Variants in HEMK1 observed in about 807,000 individuals in gnomAD.
The protein encoded by HEMK1 is HemK methyltransferase 1, mitochondrial release factors N(5)-glutamine.
Under a neutral mutation model 47.9 loss-of-function variants are expected in HEMK1, and 36 were observed. That is an observed-to-expected ratio of 0.75 (90% confidence interval 0.58 to 0.99). The LOEUF (loss-of-function observed/expected upper bound fraction) is 0.99, where lower values mean the gene tolerates loss of function less well. Among genes scored for constraint, HEMK1 ranks in the 50% least tolerant of loss-of-function variants. The pLI, the probability that HEMK1 is intolerant of heterozygous loss-of-function variation, is 0.00. For synonymous variants in HEMK1, 153 were observed against 165.4 expected, an observed-to-expected ratio of 0.93 and a Z score of 0.57; for missense variants, 383 against 434.5, an observed-to-expected ratio of 0.88 and a Z score of 1.05.
rs1438924541 is a variant in HEMK1 at position 50,580,443 on chromosome 3, C to A, written c.*26C>A. The A allele has an allele frequency of 2.5e-6, 4 of 1,613,392 alleles. No homozygotes were observed. Among genetic ancestry groups the A allele is most frequent in the African/African-American group, 1.3e-5 (1 of 74,906 alleles). On this transcript the variant is annotated 3_prime_UTR_variant, in exon 11 of 11. Coordinates refer to ENST00000232854, the MANE Select transcript of HEMK1 (RefSeq NM_016173.5). ...CATGGCTGCCCTGTGGATGCCTTGT[C>A]AGTGCCGCCAGCCTGACCAGAGGGG...
rs1021905500 is a variant in HEMK1 at position 50,582,205 on chromosome 3, G to T, written c.*1788G>T. 1 of 152,186 alleles carries T rather than the reference G, an allele frequency of 6.6e-6. No individual in the cohort carries two copies. The highest frequency in any genetic ancestry group is 2.4e-5 in the African/African-American group (1 of 41,434). The allele number at this position is 152,186 out of a possible 1,614,324, so 9.4% of individuals were successfully genotyped here. A position where few individuals can be genotyped will look rare whatever the true frequency, so the allele number is the denominator to read the frequency against. On this transcript the variant is annotated 3_prime_UTR_variant, in exon 11 of 11. Transcript: ENST00000232854. The stretch of plus-strand genomic sequence containing the variant: ...CCCATTCCTGAGGAAGGGCCTTGGC[G>T]AGCTTGTGGATGTTGCACCAGAAGA...
In HEMK1 at chr3:50,594,118, C is replaced by T. The variant is rs971186930; in HGVS notation, c.*13701C>T. The T allele has an allele frequency of 3.3e-5, 5 of 152,278 alleles. No individual in the cohort carries two copies. Among genetic ancestry groups the T allele is most frequent in the South Asian group, 4.1e-4 (2 of 4,832 alleles). The allele number at this position is 152,278 out of a possible 1,614,324, so 9.4% of individuals were successfully genotyped here. A position where few individuals can be genotyped will look rare whatever the true frequency, so the allele number is the denominator to read the frequency against. ...TCAATACAATATTGAAAAACTGTAA[C>T]GACTAGAGCATTTGTATATTGTTTC... On this transcript the variant is annotated 3_prime_UTR_variant, in exon 11 of 11. Coordinates refer to ENST00000232854, the MANE Select transcript of HEMK1 (RefSeq NM_016173.5).
intron 4 of HEMK1, among the ~76,000 whole-genome samples, chr3:50,576,311 C>T (rs1020070410): frequency 6.6e-6 from 1 of 152,224 alleles, no homozygotes; most frequent in Non-Finnish European, 1.5e-5. Context: ...CCTCATGGGA[C>T]ACTTGTGAGG....
At chr3:50,575,741 G>C (rs1701521876) in intron 4 of HEMK1, among the ~76,000 whole-genome samples, 1 of 152,210 alleles carries the variant, frequency 6.6e-6, no homozygotes, top group Non-Finnish European at 1.5e-5. Context: ...GGTCCCAGGA[G>C]TCCTGACCCT....
Position 50,571,039 on chromosome 3 carries a change from C to CA in HEMK1, c.-65dup, listed in dbSNP as rs2107369317. 1 of 1,291,920 alleles carries CA rather than the reference C, an allele frequency of 7.7e-7. No individual in the cohort carries two copies. Among genetic ancestry groups the CA allele is most frequent in the Non-Finnish European group, 1.1e-6 (1 of 928,312 alleles). The allele number at this position is 1,291,920 out of a possible 1,614,324, so 80.0% of individuals were successfully genotyped here. On this transcript the variant is annotated 5_prime_UTR_variant, in exon 2 of 11. Transcript: ENST00000232854. Reference sequence around the variant, plus strand: ...CAGGGGCCACTCTCAGCACTCACCTCAGCAGCTGACATCATAAAGCAGACT... The same window carrying CA: ...CAGGGGCCACTCTCAGCACTCACCTCAAGCAGCTGACATCATAAAGCAGACT...
intron 4 of HEMK1, among the ~76,000 whole-genome samples, chr3:50,573,675 A>G (rs142465701): frequency 1.1e-3 from 168 of 152,346 alleles, no homozygotes; most frequent in African/African-American, 3.7e-3. Context: ...GTTCACCCCA[A>G]TGTAAAGCCA....
At chr3:50,578,618 G>A (rs1208923) in intron 7 of HEMK1, among the ~76,000 whole-genome samples, 145,979 of 152,330 alleles carry the variant, frequency 0.96, 70,268 homozygotes, top group Middle Eastern at 1. Flanking sequence ...CTTGAAATGA[G>A]GGGCTGCCAT....
Position 50,571,699 on chromosome 3 carries a change from T to C in HEMK1, c.229-11T>C, listed in dbSNP as rs1433988476. On this transcript the variant is annotated splice_polypyrimidine_tract_variant and intron_variant, in intron 2 of 10. Transcript: ENST00000232854. ...CAGTGAGCCAGCCACTTATATTCTCTGTGGGGACAGTTTCAGAGCCTGAGG... is the reference window on the plus strand; with the variant it reads ...CAGTGAGCCAGCCACTTATATTCTCCGTGGGGACAGTTTCAGAGCCTGAGG... The C allele has an allele frequency of 2.5e-6, 4 of 1,613,852 alleles. No individual in the cohort carries two copies. The highest frequency in any genetic ancestry group is 3.4e-6 in the Non-Finnish European group (4 of 1,179,712).
chr3:50,577,975 A>C, intron 7 of HEMK1, 100 bp downstream of exon 7: 1 of 956,670 alleles, frequency 1.0e-6, no homozygotes, highest in Non-Finnish European at 1.7e-6. Flanking sequence ...CTCCCCCAAC[A>C]GCCACACAGC....
Position 50,595,537 on chromosome 3 carries a change from G to T in HEMK1, c.*15120G>T, listed in dbSNP as rs1218259225. ...TTTAGTATACGGGACAATAAAATCT[G>T]CCTTTTGCTCTGGAGGGAGATACTA... On this transcript the variant is annotated 3_prime_UTR_variant, in exon 11 of 11. Coordinates refer to ENST00000232854, the MANE Select transcript of HEMK1 (RefSeq NM_016173.5). 6.6e-6 allele frequency: 1 copy of T among 152,148 alleles called. No homozygotes were observed. Among genetic ancestry groups the T allele is most frequent in the Non-Finnish European group, 1.5e-5 (1 of 68,024 alleles). 9.4% of individuals were successfully genotyped at this position (152,148 alleles called of 1,614,324 possible).
chr3:50,572,038 A>G, intron 3 of HEMK1, 77 bp from the exon 4 acceptor site: 1 of 1,596,512 alleles, frequency 6.3e-7, no homozygotes, highest in Non-Finnish European at 8.5e-7. Context: ...TTTGGCCACA[A>G]GTGGTATCTC....
Position 50,571,805 on chromosome 3 carries a change from A to G in HEMK1, c.320+4A>G. The G allele has an allele frequency of 6.2e-7, 1 of 1,613,274 alleles. No individual in the cohort carries two copies. Among genetic ancestry groups the G allele is most frequent in the Non-Finnish European group, 8.5e-7 (1 of 1,179,264 alleles). On this transcript the variant is annotated splice_donor_region_variant and intron_variant, in intron 3 of 10. Coordinates refer to ENST00000232854, the MANE Select transcript of HEMK1 (RefSeq NM_016173.5). ...TGAGTAGCCGTCGATTGCAGAGGTG[A>G]GCACCCATGGATCAGACCTGAAGGA...
In HEMK1 at chr3:50,582,017, CCT is replaced by C. The variant is rs1362995016; in HGVS notation, c.*1602_*1603del. On this transcript the variant is annotated 3_prime_UTR_variant, in exon 11 of 11. Coordinates refer to ENST00000232854, the MANE Select transcript of HEMK1 (RefSeq NM_016173.5). ...CTCACAGACCTTTGCCTGCTAAGGT[CCT>C]CACCAGTATTGCCCTTTCTGTCTTT... is the stretch of plus-strand genomic sequence containing the variant. 1 of 152,308 alleles carries C rather than the reference CCT, an allele frequency of 6.6e-6. No homozygotes were observed. Among genetic ancestry groups the C allele is most frequent in the African/African-American group, 2.4e-5 (1 of 41,432 alleles). The allele number at this position is 152,308 out of a possible 1,614,324, so 9.4% of individuals were successfully genotyped here. A position where few individuals can be genotyped will look rare whatever the true frequency, so the allele number is the denominator to read the frequency against.
chr3:50,578,062 A>G (rs1452078407), intron 7 of HEMK1, among the ~76,000 whole-genome samples, 187 bp downstream of exon 7: 1 of 152,218 alleles, frequency 6.6e-6, no homozygotes, highest in Non-Finnish European at 1.5e-5. Flanking sequence ...CTGAGGACAG[A>G]CAAGGTGCTT....
rs368747508 is a variant in HEMK1 at position 50,580,201 on chromosome 3, G to A, written c.952G>A (p.Val318Met). 59 of 1,614,024 alleles carry A rather than the reference G, an allele frequency of 3.7e-5. No homozygotes were observed. The highest frequency in any genetic ancestry group is 5.0e-5 in the Non-Finnish European group (59 of 1,180,036). The change falls in exon 10 of 11, where the codon GTG becomes ATG. Residue 318 changes from valine (V) to methionine (M), a missense_variant. By Grantham distance (21) the Val-to-Met change is conservative. Transcript: ENST00000232854. ...QSRPDLYLNL[V>M]AVRRDFCGRP... ...CCGGCCTGACCTGTACCTTAATCTT[G>A]TGGCTGTGCGCAGGGACTTCTGTGG...
chr3:50,578,873 C>T lies in HEMK1; in HGVS notation c.717C>T (p.Asn239=). The T allele has an allele frequency of 6.2e-7, 1 of 1,613,530 alleles. No homozygotes were observed. The highest frequency in any genetic ancestry group is 8.5e-7 in the Non-Finnish European group (1 of 1,179,762). ...PWGPMDLIVS[N]PPYVFHQDME... ...GCCCCATGGACCTGATTGTCAGCAA[C>T]CCTCCCTACGTCTTCCACCAGGACA... The change falls in exon 8 of 11, where the codon AAC becomes AAT. Residue 239 remains asparagine, a synonymous_variant. Transcript: ENST00000232854.
In HEMK1 at chr3:50,587,707, C is replaced by T. The variant is rs2031480095; in HGVS notation, c.*7290C>T. 6.6e-6 allele frequency: 1 copy of T among 152,230 alleles called. No individual in the cohort carries two copies. The highest frequency in any genetic ancestry group is 6.6e-5 in the Admixed American group (1 of 15,262). The allele number at this position is 152,230 out of a possible 1,614,324, so 9.4% of individuals were successfully genotyped here. A position where few individuals can be genotyped will look rare whatever the true frequency, so the allele number is the denominator to read the frequency against. On this transcript the variant is annotated 3_prime_UTR_variant, in exon 11 of 11. Coordinates refer to ENST00000232854, the MANE Select transcript of HEMK1 (RefSeq NM_016173.5). The surrounding 1 kb of genome is among the most constrained non-coding windows in gnomAD (Gnocchi z 4.2). ...GGGTGAGGTGGTGCCGAGAGGTCCCCTTGGCTGAGCTCTGAATGCATTTCT... is the reference window on the plus strand; with the variant it reads ...GGGTGAGGTGGTGCCGAGAGGTCCCTTTGGCTGAGCTCTGAATGCATTTCT...
chr3:50,569,627 G>T (rs1700660748), intron 1 of HEMK1, 53 bp downstream of exon 1: 1 of 152,272 alleles, frequency 6.6e-6, no homozygotes, highest in African/African-American at 2.4e-5. Context: ...CAACCGCCTG[G>T]AGACCTGGCC....
Position 50,577,866 on chromosome 3 carries a change from A to G in HEMK1, c.655A>G (p.Met219Val). 6.2e-7 allele frequency: 1 copy of G among 1,614,132 alleles called. No individual in the cohort carries two copies. The highest frequency in any genetic ancestry group is 8.5e-7 in the Non-Finnish European group (1 of 1,180,004). ...QDRIWIIHLD[M>V]TSERSWTHLP... ...CAGGATTTGGATCATCCACCTCGAC[A>G]TGACCTCAGGTACCCTCCCCTGCAT... Residue 219 changes from methionine to valine, a missense_variant, in exon 7 of 11, where the codon ATG (methionine) becomes GTG (valine). Physicochemically the swap from Met to Val is conservative, Grantham distance 21. Transcript: ENST00000232854.
Sources: gnomAD v4.1 joint callset for allele counts (sites outside exome capture counted in the v4.1 genomes callset) on GRCh38, gnomAD v4.1.1 for gene constraint, Gnocchi (gnomAD v3.1) non-coding constraint, MANE v1.5 for transcripts, NCBI Gene and HGNC (gene_info 2026-07-23, HGNC 2026-07-21) for gene names.